The following FGF12 variants were observed in gnomAD, a reference collection of about 807,000 sequenced individuals.
FGF12 encodes the protein fibroblast growth factor 12B.
In FGF12, 14 loss-of-function variants were observed where a neutral mutation model predicts 23.6. The observed-to-expected ratio is 0.59, with a 90% confidence interval of 0.39 to 0.93. FGF12 has a LOEUF of 0.93. FGF12 is among the 40% of genes least tolerant of loss of function. FGF12 has a pLI of 0.00. For synonymous variants in FGF12, 62 were observed against 77.3 expected (o/e 0.80, Z 1.04); for missense variants, 175 against 217.8 (o/e 0.80, Z 1.24).
At chr3:192,243,019 G>GA (rs1560031118) in intron 4 of FGF12, among the ~76,000 whole-genome samples, 1 of 151,904 alleles carries the variant, frequency 6.6e-6, no homozygotes, top group Non-Finnish European at 1.5e-5. Context: ...GATCATGGTG[G>GA]AAAAACACAT....
chr3:192,444,188 C>T lies in FGF12; in HGVS notation c.14-83650G>A, dbSNP rs573146232. Among the ~76,000 whole-genome samples the T allele has an allele frequency of 2.6e-5, 4 of 152,278 alleles. No homozygotes were observed. In the East Asian group the frequency reaches 7.7e-4, roughly 29 times the overall value. ...CCTAAAACCAACGCCCAGCCTGCCA[C>T]AGTGTGTGACATCACCCATATCCCC... On this transcript the variant is annotated intron_variant, in intron 2 of 5. Transcript: ENST00000445105.
At position 192,561,062 on chromosome 3, in the gene FGF12, C is replaced by T. The variant is rs140240020; in HGVS notation, c.13+166119G>A. ...GACTGTCACAAGAGGTCACATATTA[C>T]ATGACTCCATTTATCTGATATGCCC... On this transcript the variant is annotated intron_variant, in intron 2 of 5. Transcript: ENST00000445105. 7.7e-3 allele frequency among the ~76,000 whole-genome samples: 1,174 copies of T among 152,226 alleles called. 7 individuals carry two copies. Among genetic ancestry groups the T allele is most frequent in the Non-Finnish European group, 0.012 (820 of 68,004 alleles).
At chr3:192,696,484 G>A (rs1718128311) in intron 2 of FGF12, among the ~76,000 whole-genome samples, 1 of 152,090 alleles carries the variant, frequency 6.6e-6, no homozygotes, top group African/African-American at 2.4e-5. Flanking sequence ...CAGAGAAAAA[G>A]GGTTGTTTTT....
At chr3:192,181,632 T>G (rs928583583) in intron 4 of FGF12, among the ~76,000 whole-genome samples, 69 of 122,702 alleles carry the variant, frequency 5.6e-4, no homozygotes, top group Non-Finnish European at 9.9e-4. Context: ...GTAATTTGTT[T>G]TTTTTTTTTT....
chr3:192,288,740 C>A (rs968699794), intron 4 of FGF12, among the ~76,000 whole-genome samples: 1 of 151,958 alleles, frequency 6.6e-6, no homozygotes, highest in Admixed American at 6.6e-5. Flanking sequence ...TTAGTCTATC[C>A]CAAAACTAGT....
At chr3:192,697,360 C>T (rs1718158757) in intron 2 of FGF12, among the ~76,000 whole-genome samples, 1 of 152,162 alleles carries the variant, frequency 6.6e-6, no homozygotes, top group South Asian at 2.1e-4. Context: ...CATTTCTTGT[C>T]TCTCCCATCA....
At chr3:192,726,810 G>C (rs949112765) in intron 2 of FGF12, 7 of 265,472 alleles carry the variant, frequency 2.6e-5, no homozygotes, top group African/African-American at 4.3e-5. Context: ...AAACGTGCCT[G>C]TCAGCAATTC....
chr3:192,559,446 A>G (rs1312132727), intron 2 of FGF12, among the ~76,000 whole-genome samples: 1 of 151,918 alleles, frequency 6.6e-6, no homozygotes, highest in African/African-American at 2.4e-5. Context: ...AACACAGAGG[A>G]TTTTTAGGGT....
intron 2 of FGF12, among the ~76,000 whole-genome samples, chr3:192,462,922 C>CT (rs1158616195): frequency 6.6e-6 from 1 of 152,128 alleles, no homozygotes; most frequent in African/African-American, 2.4e-5. Flanking sequence ...TTACGAAAAG[C>CT]TTTCAGGGAT....
At chr3:192,628,074 A>G (rs866552638) in intron 2 of FGF12, among the ~76,000 whole-genome samples, 2 of 152,196 alleles carry the variant, frequency 1.3e-5, no homozygotes, top group African/African-American at 2.4e-5. Context: ...TGTCATTTAA[A>G]AAACATTACA....
At chr3:192,298,642 C>G (rs1420605361) in intron 4 of FGF12, among the ~76,000 whole-genome samples, 6 of 152,124 alleles carry the variant, frequency 3.9e-5, no homozygotes, top group African/African-American at 1.4e-4. Context: ...CCCAGTTACT[C>G]AGGAGGCTGA....
chr3:192,654,892 G>T (rs1175313997), intron 2 of FGF12, among the ~76,000 whole-genome samples: 1 of 151,634 alleles, frequency 6.6e-6, no homozygotes, highest in Non-Finnish European at 1.5e-5. Flanking sequence ...TGACAGATCA[G>T]TGTGAAAAAA....
chr3:192,498,874 A>G (rs1044839637), intron 2 of FGF12, among the ~76,000 whole-genome samples: 5 of 152,252 alleles, frequency 3.3e-5, no homozygotes, highest in African/African-American at 1.2e-4. Context: ...AAAAGTTTCT[A>G]TTTAACTGAT....
chr3:192,268,524 T>A (rs1487360017), intron 4 of FGF12: 1 of 189,728 alleles, frequency 5.3e-6, no homozygotes, highest in African/African-American at 2.4e-5. Context: ...AGCAGATGCC[T>A]CATGAATGGC....
intron 2 of FGF12, among the ~76,000 whole-genome samples, chr3:192,651,066 G>A (rs966619091): frequency 1.3e-5 from 2 of 152,180 alleles, no homozygotes; most frequent in Non-Finnish European, 2.9e-5. Flanking sequence ...TATGTCCTTT[G>A]TATTCGTAGG....
intron 5 of FGF12, among the ~76,000 whole-genome samples, chr3:192,156,403 A>G (rs1357518937): frequency 1.3e-5 from 2 of 152,222 alleles, no homozygotes; most frequent in African/African-American, 4.8e-5. Context: ...TTTTATTTTC[A>G]GCAGGTATGA....
intron 2 of FGF12, among the ~76,000 whole-genome samples, chr3:192,670,981 T>C (rs560145322): frequency 6.6e-6 from 1 of 152,202 alleles, no homozygotes; most frequent in Non-Finnish European, 1.5e-5. Flanking sequence ...CTGGCTCAGC[T>C]GGATTGTAGA....
chr3:192,474,455 G>T (rs1262244060), intron 2 of FGF12, among the ~76,000 whole-genome samples: 2 of 152,166 alleles, frequency 1.3e-5, no homozygotes, highest in African/African-American at 2.4e-5. Flanking sequence ...ACAGTGATTG[G>T]TGCTTGGATA....
rs7651974 is a variant in FGF12, at chr3:192,214,018, C to T, written c.229-43362G>A. Among the ~76,000 whole-genome samples the T allele has an allele frequency of 6.0e-3, 908 of 152,250 alleles. 12 individuals carry two copies. The highest frequency in any genetic ancestry group is 0.021 in the African/African-American group (859 of 41,516). The stretch of plus-strand genomic sequence containing the variant: ...TTTTAAAAAACTGTTACTTTTCTCC[C>T]TGTGTGTCCATGTAATTTACAAATA... On this transcript the variant is annotated intron_variant, in intron 4 of 5. Coordinates refer to ENST00000445105, the MANE Select transcript of FGF12 (RefSeq NM_004113.6).
Sources: allele counts gnomAD v4.1 joint callset (sites outside exome capture counted in the v4.1 genomes callset), GRCh38; gene constraint gnomAD v4.1.1; transcripts MANE v1.5; gene names NCBI Gene and HGNC (gene_info 2026-07-23, HGNC 2026-07-21).